ZNF407: variants seen among roughly 807,000 people sequenced by gnomAD.
ZNF407 encodes zinc finger protein 407.
ZNF407 carries 17 observed loss-of-function variants against 131.2 expected under a neutral mutation model. The ratio of observed to expected loss-of-function variants is 0.13; its 90% CI spans 0.09 to 0.19. ZNF407 has a LOEUF of 0.19. Ranked by LOEUF, ZNF407 falls within the 10% of genes least tolerant of loss-of-function variation. The pLI, the probability that ZNF407 is intolerant of heterozygous loss-of-function variation, is 1.00. For synonymous variants in ZNF407, 1,156 were observed against 1,062.0 expected (o/e 1.09, Z -1.72); for missense variants, 2,681 against 2,830.6 (o/e 0.95, Z 1.20).
intron 3 of ZNF407, among the ~76,000 whole-genome samples, chr18:74,757,454 C>T (rs1343607005): frequency 6.6e-6 from 1 of 151,924 alleles, no homozygotes; most frequent in African/African-American, 2.4e-5. Flanking sequence ...TGTTAATCTC[C>T]CAAATTTCCT....
intron 3 of ZNF407, among the ~76,000 whole-genome samples, chr18:74,654,748 T>C (rs1985377534): frequency 6.6e-6 from 1 of 151,886 alleles, no homozygotes; most frequent in Non-Finnish European, 1.5e-5. Flanking sequence ...TGTTCATTTT[T>C]CTGGTCTGCT....
chr18:74,889,707 C>T (rs1261880077), intron 6 of ZNF407, among the ~76,000 whole-genome samples: 1 of 152,116 alleles, frequency 6.6e-6, no homozygotes. Context: ...ACTTTGCTTA[C>T]ATTCTAATAT....
intron 8 of ZNF407, among the ~76,000 whole-genome samples, chr18:74,973,657 G>A (rs1238737579): frequency 6.6e-6 from 1 of 152,108 alleles, no homozygotes; most frequent in South Asian, 2.1e-4. Flanking sequence ...CAAAATGAGG[G>A]CCTTAAGCAA....
chr18:74,604,290 C>T (rs1026132780), intron 1 of ZNF407, among the ~76,000 whole-genome samples: 1 of 152,152 alleles, frequency 6.6e-6, no homozygotes, highest in South Asian at 2.1e-4. Flanking sequence ...TGGTTTGCAT[C>T]CGTGTGGCAA....
chr18:75,063,793 C>T lies in ZNF407; in HGVS notation c.6072C>T (p.Pro2024=), dbSNP rs756873039. 30 of 1,609,090 alleles carry T rather than the reference C, an allele frequency of 1.9e-5. No individual in the cohort carries two copies. Among genetic ancestry groups the T allele is most frequent in the African/African-American group, 6.7e-5 (5 of 74,900 alleles). The change falls in exon 9 of 9, where the codon CCC becomes CCT. Residue 2024 remains proline (P), a synonymous_variant. Transcript: ENST00000299687. This position sits in a 1 kb window ranked among gnomAD's most constrained non-coding sequence, Gnocchi z 6.6. The part of the protein sequence containing the change: ...PGAKDVLIQL[P]GQEVSHVAAD... ...CCAAAGACGTGCTGATCCAGCTGCC[C>T]GGGCAGGAGGTCTCCCATGTGGCTG...
chr18:74,812,396 C>G (rs1055296163), intron 4 of ZNF407, among the ~76,000 whole-genome samples: 1 of 152,216 alleles, frequency 6.6e-6, no homozygotes, highest in Non-Finnish European at 1.5e-5. Flanking sequence ...TCCCCCTCTA[C>G]ACCCAGAGAA....
At chr18:75,057,894 G>A (rs1260750555) in intron 8 of ZNF407, among the ~76,000 whole-genome samples, 4 of 152,048 alleles carry the variant, frequency 2.6e-5, no homozygotes, top group Non-Finnish European at 1.5e-5. Context: ...TCAAGAGAGG[G>A]GGCCCTTGTT....
intron 4 of ZNF407, among the ~76,000 whole-genome samples, chr18:74,858,251 C>G (rs892232357): frequency 7.4e-4 from 112 of 151,584 alleles, no homozygotes; most frequent in African/African-American, 2.5e-3. Context: ...GTATTAACAC[C>G]CCCTTTTCTG....
In ZNF407 at chr18:74,665,984, C is replaced by T. The variant is rs558479677; in HGVS notation, c.4802+24862C>T. ...CGTTGCCACCGTTAAATGAAGGCTC[C>T]CAGGAGGAAGTACCTTGAAGAGCCC... On this transcript the variant is annotated intron_variant, in intron 3 of 8. Coordinates refer to ENST00000299687, the MANE Select transcript of ZNF407 (RefSeq NM_017757.3). 2.6e-4 allele frequency among the ~76,000 whole-genome samples: 40 copies of T among 152,228 alleles called. No homozygotes were observed. The East Asian group carries it at 7.5e-3, about 29-fold the overall frequency.
In ZNF407 at chr18:74,959,162, A is replaced by G. The variant is rs1482943409; in HGVS notation, c.5428+38470A>G. Among the ~76,000 whole-genome samples, 5 of 152,338 alleles carry G rather than the reference A, an allele frequency of 3.3e-5. No individual in the cohort carries two copies. In the East Asian group the frequency reaches 5.8e-4, roughly 18 times the overall value. On this transcript the variant is annotated intron_variant, in intron 8 of 8. Coordinates refer to ENST00000299687, the MANE Select transcript of ZNF407 (RefSeq NM_017757.3). The stretch of plus-strand genomic sequence containing the variant: ...GTCTTAAGACACAGTGTTTAATACT[A>G]TAGGATAATATTTGTGTTTCTTACC...
intron 8 of ZNF407, among the ~76,000 whole-genome samples, chr18:75,043,160 C>T (rs868412859): frequency 7.9e-5 from 12 of 152,188 alleles, no homozygotes; most frequent in Non-Finnish European, 4.4e-5. Context: ...AGGTGCTCCG[C>T]GTCCTCACCA....
At chr18:75,013,217 A>C (rs1456464231) in intron 8 of ZNF407, among the ~76,000 whole-genome samples, 1 of 152,118 alleles carries the variant, frequency 6.6e-6, no homozygotes, top group Non-Finnish European at 1.5e-5. Context: ...ACATGTGGGC[A>C]ATTGTAGGAA....
At chr18:74,904,452 C>A (rs1159652011) in intron 7 of ZNF407, among the ~76,000 whole-genome samples, 1 of 152,132 alleles carries the variant, frequency 6.6e-6, no homozygotes, top group Non-Finnish European at 1.5e-5. Context: ...TGCTGGAAGC[C>A]CTGCCCTCCT....
At chr18:74,819,855 C>T (rs1241404913) in intron 4 of ZNF407, among the ~76,000 whole-genome samples, 1 of 152,194 alleles carries the variant, frequency 6.6e-6, no homozygotes, top group Admixed American at 6.5e-5. Flanking sequence ...CCTTAGCTGA[C>T]TGACAGTGGA....
chr18:74,777,572 G>T (rs1969499024), intron 3 of ZNF407, among the ~76,000 whole-genome samples: 1 of 152,090 alleles, frequency 6.6e-6, no homozygotes, highest in African/African-American at 2.4e-5. Flanking sequence ...TCATTTCTTT[G>T]ATTTCTCTTT....
intron 4 of ZNF407, among the ~76,000 whole-genome samples, chr18:74,783,803 A>G (rs17243024): frequency 0.15 from 23,182 of 152,188 alleles, 2,233 homozygotes; most frequent in Non-Finnish European, 0.22. Flanking sequence ...TCAAGCAGCA[A>G]CATTCTTCTA....
intron 1 of ZNF407, among the ~76,000 whole-genome samples, chr18:74,604,781 C>T (rs920785754): frequency 2.0e-5 from 3 of 152,124 alleles, no homozygotes; most frequent in Non-Finnish European, 4.4e-5. Flanking sequence ...ATCATGTAAT[C>T]CCCCCAAATC....
intron 3 of ZNF407, among the ~76,000 whole-genome samples, chr18:74,699,049 C>T (rs901919915): frequency 6.6e-6 from 1 of 152,212 alleles, no homozygotes; most frequent in African/African-American, 2.4e-5. Flanking sequence ...TCCCTTCTCT[C>T]TGCTTTCATC....
chr18:74,902,470 G>A (rs150491667), intron 7 of ZNF407, among the ~76,000 whole-genome samples: 2 of 152,266 alleles, frequency 1.3e-5, no homozygotes, highest in East Asian at 1.9e-4. Context: ...AAAATAAGAC[G>A]TTTGAGAGAC....
Sources: allele counts gnomAD v4.1 joint callset (sites outside exome capture counted in the v4.1 genomes callset), GRCh38; gene constraint gnomAD v4.1.1; non-coding constraint Gnocchi (gnomAD v3.1); transcripts MANE v1.5; gene names NCBI Gene and HGNC (gene_info 2026-07-23, HGNC 2026-07-21).